Variants in PIAS2 observed in about 807,000 individuals in gnomAD.
PIAS2 encodes protein inhibitor of activated STAT 2.
A neutral mutation model predicts 69.7 loss-of-function variants in PIAS2; 19 were observed. The observed-to-expected ratio is 0.27, with a 90% CI of 0.19 to 0.40. PIAS2 has a LOEUF of 0.40. PIAS2 is among the 10% of genes least tolerant of loss of function. PIAS2 has a pLI of 1.00. For synonymous variants in PIAS2, 261 were observed against 263.2 expected (o/e 0.99, Z 0.08); for missense variants, 624 against 757.0 (o/e 0.82, Z 2.06).
At chr18:46,878,906 G>T (rs1413382431) in intron 2 of PIAS2, among the ~76,000 whole-genome samples, 1 of 152,134 alleles carries the variant, frequency 6.6e-6, no homozygotes, top group Non-Finnish European at 1.5e-5. Flanking sequence ...CTTCCTAGCG[G>T]TTACTGCCAA....
intron 5 of PIAS2, chr18:46,852,798 G>A (rs979876283): frequency 6.6e-6 from 1 of 152,278 alleles, no homozygotes; most frequent in Non-Finnish European, 1.5e-5. Flanking sequence ...ATTTTCCATA[G>A]CAATGCCACA....
intron 5 of PIAS2, among the ~76,000 whole-genome samples, chr18:46,847,210 T>C (rs1297485291): frequency 6.6e-6 from 1 of 152,072 alleles, no homozygotes; most frequent in East Asian, 1.9e-4. Context: ...TCAAAATACA[T>C]GCACATATTG....
intron 2 of PIAS2, among the ~76,000 whole-genome samples, chr18:46,884,233 T>C (rs1013318008): frequency 2.6e-5 from 4 of 152,202 alleles, no homozygotes; most frequent in African/African-American, 9.7e-5. Flanking sequence ...ATGTTTTATA[T>C]ACATATTCCT....
intron 2 of PIAS2, among the ~76,000 whole-genome samples, chr18:46,879,586 A>T (rs927237408): frequency 6.6e-6 from 1 of 152,200 alleles, no homozygotes; most frequent in African/African-American, 2.4e-5. Flanking sequence ...AAAAAACAGA[A>T]TCTTGAAGAG....
chr18:46,880,636 T>A (rs1045814875), intron 2 of PIAS2, among the ~76,000 whole-genome samples: 7 of 152,160 alleles, frequency 4.6e-5, no homozygotes, highest in Admixed American at 6.5e-5. Context: ...GGACAAAAAA[T>A]TTAAATTTCT....
chr18:46,820,967 A>G lies in PIAS2; in HGVS notation c.1614T>C (p.His538=), dbSNP rs766947208. 1 of 1,613,072 alleles carries G rather than the reference A, an allele frequency of 6.2e-7. No homozygotes were observed. The change falls in exon 12 of 14, where the codon CAT becomes CAC. Residue 538 remains histidine (H), a synonymous_variant. Coordinates refer to ENST00000585916, the MANE Select transcript of PIAS2 (RefSeq NM_004671.5). The stretch of plus-strand genomic sequence containing the variant: ...CTGATGACATGCTTGATATTGGCGT[A>G]TGGTGGAATGGTACTGAGTAGTCTG... ...SLTDYSVPFH[H]TPISSMSSDL... is the part of the protein sequence containing the mutation.
At chr18:46,911,944 G>A (rs1397073721) in intron 1 of PIAS2, among the ~76,000 whole-genome samples, 2 of 152,102 alleles carry the variant, frequency 1.3e-5, no homozygotes, top group Non-Finnish European at 2.9e-5. Context: ...CCAGCTAATC[G>A]CGAGGCTGAG....
chr18:46,858,646 T>C (rs1388258800), intron 3 of PIAS2, among the ~76,000 whole-genome samples: 1 of 152,220 alleles, frequency 6.6e-6, no homozygotes, highest in Non-Finnish European at 1.5e-5. Flanking sequence ...GCAGTGAGCC[T>C]TGATTGCGGC....
At chr18:46,897,057 T>A (rs149427481) in intron 1 of PIAS2, among the ~76,000 whole-genome samples, 50 of 152,344 alleles carry the variant, frequency 3.3e-4, no homozygotes, top group African/African-American at 1.2e-3. Flanking sequence ...TCTATCATTG[T>A]AAATTTAAGA....
chr18:46,912,527 C>T (rs2057380018), intron 1 of PIAS2, among the ~76,000 whole-genome samples: 1 of 152,032 alleles, frequency 6.6e-6, no homozygotes, highest in Non-Finnish European at 1.5e-5. Flanking sequence ...GCCAAATATA[C>T]TGTCTAAAAG....
rs533362598 is a variant in PIAS2 at position 46,817,602 on chromosome 18, T to G, written c.1649-2253A>C. 5.7e-4 allele frequency: 542 copies of G among 950,744 alleles called. 1 individual carries two copies. Among genetic ancestry groups the G allele is most frequent in the Non-Finnish European group, 6.6e-4 (527 of 798,356 alleles). The allele number at this position is 950,744 out of a possible 1,614,324, so 58.9% of individuals were successfully genotyped here. The stretch of plus-strand genomic sequence containing the variant: ...TATTGATACCTCATCCACGGAAAAT[T>G]GAATGTGGTGACTTATACAACACCA... On this transcript the variant is annotated intron_variant, in intron 12 of 13. Transcript: ENST00000585916.
intron 1 of PIAS2, among the ~76,000 whole-genome samples, chr18:46,911,122 G>A (rs146658376): frequency 1.0e-3 from 159 of 151,924 alleles, no homozygotes; most frequent in Middle Eastern, 6.8e-3. Context: ...AAGACAAGCT[G>A]AATGGCTACA....
Position 46,901,766 on chromosome 18 carries a change from G to C in PIAS2, c.25-10712C>G, listed in dbSNP as rs149371199. 1.2e-3 allele frequency among the ~76,000 whole-genome samples: 188 copies of C among 152,288 alleles called. 2 individuals carry two copies. The highest frequency in any genetic ancestry group is 4.3e-3 in the African/African-American group (177 of 41,566). ...AACCCTCAAAAACAAGAATAGAGGA[G>C]AGCTTCCTCAATTTGATAAACAGGT... On this transcript the variant is annotated intron_variant, in intron 1 of 13. Coordinates refer to ENST00000585916, the MANE Select transcript of PIAS2 (RefSeq NM_004671.5).
At chr18:46,881,247 C>T (rs990990356) in intron 2 of PIAS2, among the ~76,000 whole-genome samples, 15 of 152,148 alleles carry the variant, frequency 9.9e-5, no homozygotes, top group Admixed American at 7.2e-4. Context: ...TCCTAGCAAA[C>T]CTACATTTCT....
chr18:46,842,935 G>A (rs2045636505), intron 8 of PIAS2, among the ~76,000 whole-genome samples: 1 of 152,126 alleles, frequency 6.6e-6, no homozygotes, highest in African/African-American at 2.4e-5. Context: ...TTAAGTTAAT[G>A]AAGATTAAAA....
chr18:46,903,742 T>C (rs2056216911), intron 1 of PIAS2: 1 of 152,098 alleles, frequency 6.6e-6, no homozygotes, highest in South Asian at 2.1e-4. Context: ...TGTGCGTAAG[T>C]TTACCAAAAA....
chr18:46,841,959 T>G (rs2045460529), intron 8 of PIAS2, among the ~76,000 whole-genome samples: 1 of 152,208 alleles, frequency 6.6e-6, no homozygotes. Flanking sequence ...CTAGGTGAGA[T>G]GGCTCATGCC....
chr18:46,818,850 C>T (rs576892642), intron 12 of PIAS2, among the ~76,000 whole-genome samples: 1 of 152,140 alleles, frequency 6.6e-6, no homozygotes, highest in South Asian at 2.1e-4. Flanking sequence ...AAATATCAGC[C>T]TTGGATATTA....
rs1001702854 is a variant in PIAS2 at position 46,917,259 on chromosome 18, G to A, written c.24+63C>T. On this transcript the variant is annotated intron_variant, in intron 1 of 13. Transcript: ENST00000585916. ...CGAGCAGGCGGCGGCCGGCGACGTTGCGGTTTCCCCACCTCCTCTCCCATC... is the reference window on the plus strand; with the variant it reads ...CGAGCAGGCGGCGGCCGGCGACGTTACGGTTTCCCCACCTCCTCTCCCATC... The A allele has an allele frequency of 2.1e-6, 3 of 1,431,510 alleles. No individual in the cohort carries two copies. In the African/African-American group the frequency reaches 4.5e-5, roughly 21 times the overall value. The allele number at this position is 1,431,510 out of a possible 1,614,324, so 88.7% of individuals were successfully genotyped here. A position where few individuals can be genotyped will look rare whatever the true frequency, so the allele number is the denominator to read the frequency against.
Sources: gnomAD v4.1 joint callset for allele counts (sites outside exome capture counted in the v4.1 genomes callset) on GRCh38, gnomAD v4.1.1 for gene constraint, MANE v1.5 for transcripts, NCBI Gene and HGNC (gene_info 2026-07-23, HGNC 2026-07-21) for gene names.